RNGTT: variants seen among roughly 807,000 people sequenced by gnomAD.
RNGTT encodes mRNA-capping enzyme.
In RNGTT, 33 loss-of-function variants were observed where a neutral mutation model predicts 79.3. The ratio of observed to expected loss-of-function variants is 0.42; its 90% CI spans 0.32 to 0.56. The LOEUF is 0.56. Among genes scored for constraint, RNGTT ranks in the 20% least tolerant of loss-of-function variants. The pLI, the probability that RNGTT is intolerant of heterozygous loss-of-function variation, is 0.17. For synonymous variants in RNGTT, 222 were observed against 235.9 expected, an observed-to-expected ratio of 0.94 and a Z score of 0.54; for missense variants, 497 against 739.1, an observed-to-expected ratio of 0.67 and a Z score of 3.80.
chr6:88,695,922 T>C (rs1415076394), intron 13 of RNGTT, among the ~76,000 whole-genome samples: 1 of 152,214 alleles, frequency 6.6e-6, no homozygotes, highest in Admixed American at 6.5e-5. Flanking sequence ...CTGCATGATG[T>C]TCTCACTTAC....
rs190865759 is a variant in RNGTT, at chr6:88,849,617, A to T, written c.1104+138T>A. On this transcript the variant is annotated intron_variant, in intron 10 of 15. Coordinates refer to ENST00000369485, the MANE Select transcript of RNGTT (RefSeq NM_003800.5). ...AAAGAAAAGGAGATATAAAAGGATT[A>T]AAAAAAAGATTCCCAGTGAGTAACC... 1,113 of 593,184 alleles carry T rather than the reference A, an allele frequency of 1.9e-3. 9 individuals carry two copies. The highest frequency in any genetic ancestry group is 0.018 in the African/African-American group (918 of 51,074). The allele number at this position is 593,184 out of a possible 1,614,324, so 36.7% of individuals were successfully genotyped here.
chr6:88,793,197 C>T (rs9342161), intron 12 of RNGTT, among the ~76,000 whole-genome samples: 20,051 of 151,916 alleles, frequency 0.13, 1,497 homozygotes, highest in Middle Eastern at 0.23. Context: ...AGACAGAAAA[C>T]GATCATGAGA....
intron 13 of RNGTT, among the ~76,000 whole-genome samples, chr6:88,752,647 C>T (rs185634056): frequency 1.6e-4 from 24 of 152,146 alleles, no homozygotes; most frequent in Non-Finnish European, 3.5e-4. Flanking sequence ...ATATACAATA[C>T]AAACTTAGGA....
Position 88,929,215 on chromosome 6 carries a change from C to T in RNGTT, c.227G>A (p.Arg76Gln), listed in dbSNP as rs760186274. Residue 76 changes from arginine to glutamine, a missense_variant, in exon 3 of 16, where the codon CGA (arginine) becomes CAA (glutamine). This residue lies in a region of RNGTT where 440 missense variants were observed against 671.5 expected (regional missense o/e 0.66). Transcript: ENST00000369485. ...GATTCCTTCTTTTTCTATGTCATTT[C>T]GGTCATAGAACCTTGAAGTATTTGT... ...DLTNTSRFYD[R>Q]NDIEKEGIKY... 4 of 1,608,062 alleles carry T rather than the reference C, an allele frequency of 2.5e-6. No individual in the cohort carries two copies. Among genetic ancestry groups the T allele is most frequent in the Non-Finnish European group, 3.4e-6 (4 of 1,176,924 alleles).
intron 4 of RNGTT, among the ~76,000 whole-genome samples, chr6:88,916,100 G>C (rs1369063715): frequency 2.0e-5 from 3 of 152,202 alleles, no homozygotes; most frequent in Non-Finnish European, 4.4e-5. Flanking sequence ...AAATTGAAAA[G>C]AGTGACCGTA....
At chr6:88,782,544 A>G (rs1779098362) in intron 12 of RNGTT, among the ~76,000 whole-genome samples, 1 of 150,860 alleles carries the variant, frequency 6.6e-6, no homozygotes, top group African/African-American at 2.5e-5. Context: ...GCAAAAATAG[A>G]CAAGTGGGAC....
intron 13 of RNGTT, among the ~76,000 whole-genome samples, chr6:88,768,558 G>A (rs1340355815): frequency 6.6e-6 from 1 of 152,130 alleles, no homozygotes; most frequent in Non-Finnish European, 1.5e-5. Flanking sequence ...TTTGGAGTCT[G>A]GACTCCATAT....
intron 14 of RNGTT, among the ~76,000 whole-genome samples, chr6:88,654,471 G>A (rs1773905397): frequency 6.6e-6 from 1 of 152,068 alleles, no homozygotes; most frequent in African/African-American, 2.4e-5. Flanking sequence ...GAAATCACTT[G>A]GGAGACAGAG....
intron 1 of RNGTT, among the ~76,000 whole-genome samples, chr6:88,955,411 A>T (rs141539956): frequency 0.022 from 3,331 of 152,014 alleles, 121 homozygotes; most frequent in African/African-American, 0.076. Context: ...TTAGCCAGGC[A>T]TGGTGGCGGG....
At chr6:88,870,697 A>G (rs867571091) in intron 8 of RNGTT, among the ~76,000 whole-genome samples, 5 of 152,272 alleles carry the variant, frequency 3.3e-5, no homozygotes, top group Middle Eastern at 3.4e-3. Flanking sequence ...ATTTGCAAAT[A>G]TAATAATTCA....
intron 13 of RNGTT, among the ~76,000 whole-genome samples, chr6:88,736,865 TAAC>T (rs1168290011): frequency 1.3e-5 from 2 of 152,152 alleles, no homozygotes; most frequent in African/African-American, 2.4e-5. Flanking sequence ...CAAGAAAAAG[TAAC>T]AACACCAAAT....
In RNGTT at chr6:88,729,375, T is replaced by G. The variant is rs148964946; in HGVS notation, c.1439+40399A>C. ...CTATCCCTTTTACCCTGGCATTTCA[T>G]CAACCAGAAAAAGAAAAAAAAAAAA... is the stretch of plus-strand genomic sequence containing the variant. On this transcript the variant is annotated intron_variant, in intron 13 of 15. Transcript: ENST00000369485. Among the ~76,000 whole-genome samples the G allele has an allele frequency of 6.6e-5, 9 of 135,390 alleles. No individual in the cohort carries two copies. The East Asian group carries it at 1.9e-3, about 29-fold the overall frequency. The allele number at this position is 135,390 out of a possible 152,430, so 88.8% of individuals were successfully genotyped here.
intron 13 of RNGTT, among the ~76,000 whole-genome samples, chr6:88,710,427 G>A (rs1042628336): frequency 4.6e-5 from 7 of 152,014 alleles, no homozygotes; most frequent in Non-Finnish European, 2.9e-5. Flanking sequence ...CTAAAGAAAG[G>A]GAACGAAATA....
chr6:88,803,176 A>G (rs755265573), intron 11 of RNGTT, among the ~76,000 whole-genome samples: 3 of 152,180 alleles, frequency 2.0e-5, no homozygotes, highest in Admixed American at 6.5e-5. Context: ...TTAAAAATCT[A>G]TATTTCCTTA....
intron 8 of RNGTT, among the ~76,000 whole-genome samples, chr6:88,884,403 T>G (rs544687985): frequency 2.6e-5 from 4 of 152,308 alleles, no homozygotes; most frequent in African/African-American, 7.2e-5. Context: ...TATCTAATTC[T>G]AAAGTGTATG....
intron 14 of RNGTT, among the ~76,000 whole-genome samples, chr6:88,629,748 G>A (rs1468155321): frequency 1.3e-5 from 2 of 152,070 alleles, no homozygotes; most frequent in East Asian, 3.8e-4. Context: ...TTGTTTTCTG[G>A]GTATATGAAA....
intron 14 of RNGTT, among the ~76,000 whole-genome samples, chr6:88,660,696 T>G (rs1419337556): frequency 2.0e-5 from 3 of 152,074 alleles, no homozygotes; most frequent in African/African-American, 4.8e-5. Context: ...AGAAACGAGA[T>G]AGATGGCAAC....
chr6:88,938,197 A>G (rs1352234149), intron 2 of RNGTT, among the ~76,000 whole-genome samples: 1 of 152,214 alleles, frequency 6.6e-6, no homozygotes, highest in Non-Finnish European at 1.5e-5. Context: ...TTTGCTTTAT[A>G]TATCTGGGTA....
chr6:88,752,774 G>T (rs777743301), intron 13 of RNGTT, among the ~76,000 whole-genome samples: 6 of 151,994 alleles, frequency 3.9e-5, no homozygotes, highest in Non-Finnish European at 7.4e-5. Flanking sequence ...GTAAACCAAA[G>T]GAATGCTTGA....
Sources: allele counts gnomAD v4.1 joint callset (sites outside exome capture counted in the v4.1 genomes callset), GRCh38; gene constraint gnomAD v4.1.1; regional missense constraint gnomAD v4.1.1; transcripts MANE v1.5; gene names NCBI Gene and HGNC (gene_info 2026-07-23, HGNC 2026-07-21).